Variants in MCC observed in about 807,000 individuals in gnomAD.
The protein encoded by MCC is colorectal mutant cancer protein.
MCC carries 90 observed loss-of-function variants against 116.2 expected under a neutral mutation model. That is an observed-to-expected ratio of 0.77 (90% CI 0.65 to 0.92). The LOEUF is 0.92. Ranked by LOEUF, MCC falls within the 40% of genes least tolerant of loss-of-function variation. The pLI is 0.00. For missense variants in MCC, 1,516 were observed against 1,312.2 expected (o/e 1.16, Z -2.40); for synonymous variants, 578 against 510.5 (o/e 1.13, Z -1.78).
At chr5:113,335,127 A>G (rs1389794711) in intron 3 of MCC, among the ~76,000 whole-genome samples, 1 of 151,728 alleles carries the variant, frequency 6.6e-6, no homozygotes, top group African/African-American at 2.4e-5. Flanking sequence ...CCTCTAGATC[A>G]AAGTTTGGTA....
At chr5:113,270,014 A>G (rs1765552428) in intron 3 of MCC, among the ~76,000 whole-genome samples, 2 of 152,256 alleles carry the variant, frequency 1.3e-5, no homozygotes, top group Non-Finnish European at 2.9e-5. Flanking sequence ...GAATAAGAAA[A>G]TGTTTCAGGG....
chr5:113,096,697 C>A (rs576831956), intron 8 of MCC, among the ~76,000 whole-genome samples: 2 of 152,280 alleles, frequency 1.3e-5, no homozygotes, highest in African/African-American at 4.8e-5. Flanking sequence ...GGATGGCCAA[C>A]AGTCTGAGTT....
At chr5:113,177,374 T>C (rs1761390917) in intron 3 of MCC, among the ~76,000 whole-genome samples, 1 of 152,206 alleles carries the variant, frequency 6.6e-6, no homozygotes, top group African/African-American at 2.4e-5. Context: ...GGAACTATGA[T>C]AAAAGCTAAA....
chr5:113,402,093 G>A (rs893303795), intron 1 of MCC, among the ~76,000 whole-genome samples: 12 of 151,844 alleles, frequency 7.9e-5, no homozygotes, highest in African/African-American at 2.7e-4. Context: ...CGGAGATCAA[G>A]ACCACCCTGG....
chr5:113,465,475 T>A (rs1771875655), intron 1 of MCC, among the ~76,000 whole-genome samples: 1 of 151,444 alleles, frequency 6.6e-6, no homozygotes, highest in South Asian at 2.1e-4. Context: ...GTAGAGAGAG[T>A]TTTAACATAC....
intron 16 of MCC, 170 bp downstream of exon 16, chr5:113,048,923 G>C: frequency 1.6e-6 from 1 of 641,560 alleles, no homozygotes. Flanking sequence ...TGTAGACCTG[G>C]TTTCATTACA....
At chr5:113,197,633 C>G (rs1443696) in intron 3 of MCC, among the ~76,000 whole-genome samples, 1 of 152,190 alleles carries the variant, frequency 6.6e-6, no homozygotes, top group African/African-American at 2.4e-5. Flanking sequence ...ACAACAACTA[C>G]TGATGGCATC....
At chr5:113,308,147 T>C (rs1413885657) in intron 3 of MCC, among the ~76,000 whole-genome samples, 1 of 152,120 alleles carries the variant, frequency 6.6e-6, no homozygotes, top group Admixed American at 6.5e-5. Context: ...TAATTTTTTA[T>C]ATATATTGTA....
At chr5:113,339,526 C>G (rs191589724) in intron 3 of MCC, among the ~76,000 whole-genome samples, 1 of 151,644 alleles carries the variant, frequency 6.6e-6, no homozygotes, top group East Asian at 1.9e-4. Context: ...GTCGTATTTT[C>G]TTAGGCTTCT....
At chr5:113,168,916 C>T (rs1302138735) in intron 3 of MCC, among the ~76,000 whole-genome samples, 1 of 152,080 alleles carries the variant, frequency 6.6e-6, no homozygotes, top group Non-Finnish European at 1.5e-5. Flanking sequence ...GGCATCAGCC[C>T]CCATGATATC....
intron 2 of MCC, among the ~76,000 whole-genome samples, chr5:113,348,404 C>G (rs1768184025): frequency 6.6e-6 from 1 of 151,978 alleles, no homozygotes; most frequent in Non-Finnish European, 1.5e-5. Context: ...AAATCAATAA[C>G]AAGAGGAATT....
intron 15 of MCC, among the ~76,000 whole-genome samples, chr5:113,052,290 A>C (rs1752535977): frequency 6.6e-6 from 1 of 152,208 alleles, no homozygotes; most frequent in South Asian, 2.1e-4. Context: ...CACAGGCTGC[A>C]AGCATCTGCA....
chr5:113,355,837 C>A lies in MCC; in HGVS notation c.416-15107G>T, dbSNP rs375454706. Reference sequence around the variant, plus strand: ...ATCACACTGGGGGTTAGGGTTTCCACATACAAATTTGGGCACCGGGACACA... The same window carrying A: ...ATCACACTGGGGGTTAGGGTTTCCAAATACAAATTTGGGCACCGGGACACA... On this transcript the variant is annotated intron_variant, in intron 2 of 18. Coordinates refer to ENST00000408903, the MANE Select transcript of MCC (RefSeq NM_001085377.2). Among the ~76,000 whole-genome samples, 9 of 152,198 alleles carry A rather than the reference C, an allele frequency of 5.9e-5. No individual in the cohort carries two copies. The East Asian group carries it at 1.2e-3, about 20-fold the overall frequency.
intron 3 of MCC, among the ~76,000 whole-genome samples, chr5:113,325,876 C>T (rs1342459182): frequency 2.0e-5 from 3 of 152,110 alleles, no homozygotes; most frequent in African/African-American, 7.2e-5. Context: ...TTTTAGCCAA[C>T]AAGGTTTAAC....
chr5:113,367,651 A>G (rs1372601448), intron 2 of MCC, among the ~76,000 whole-genome samples: 2 of 146,896 alleles, frequency 1.4e-5, no homozygotes, highest in Non-Finnish European at 3.0e-5. Flanking sequence ...AGAGAGAGAG[A>G]AAGAGAGAGA....
chr5:113,279,269 C>T (rs866297513), intron 3 of MCC, among the ~76,000 whole-genome samples: 20 of 152,134 alleles, frequency 1.3e-4, no homozygotes, highest in Non-Finnish European at 2.2e-4. Flanking sequence ...ATGTTCAATG[C>T]TCAGAGTCAC....
intron 11 of MCC, 97 bp downstream of exon 11, chr5:113,082,763 C>T: frequency 6.8e-7 from 1 of 1,470,664 alleles, no homozygotes; most frequent in Non-Finnish European, 9.2e-7. Context: ...CTCTATGTCA[C>T]AATACATAAG....
Position 113,027,777 on chromosome 5 carries a change from C to T in MCC, c.2880-295G>A, listed in dbSNP as rs1244473707. Among the ~76,000 whole-genome samples, 4 of 152,222 alleles carry T rather than the reference C, an allele frequency of 2.6e-5. No individual in the cohort carries two copies. In the East Asian group the frequency reaches 7.7e-4, roughly 29 times the overall value. The stretch of plus-strand genomic sequence containing the variant: ...GAGTCAAACCAGCAATCCAAATTGG[C>T]CCAGTCCAAAACGGATAAATACAAA... On this transcript the variant is annotated intron_variant, in intron 18 of 18. Transcript: ENST00000408903.
chr5:113,104,051 C>T (rs1050447859), intron 7 of MCC, 141 bp downstream of exon 7: 5 of 826,366 alleles, frequency 6.1e-6, no homozygotes. Context: ...CGCTTCTACA[C>T]CGTGGCTCAA....
Sources: gnomAD v4.1 joint callset for allele counts (sites outside exome capture counted in the v4.1 genomes callset) on GRCh38, gnomAD v4.1.1 for gene constraint, MANE v1.5 for transcripts, NCBI Gene and HGNC (gene_info 2026-07-23, HGNC 2026-07-21) for gene names.